Variants in CAB39 observed in about 807,000 individuals in gnomAD.
CAB39 encodes the protein calcium binding protein 39.
Under a neutral mutation model 40.0 loss-of-function variants are expected in CAB39, and 8 were observed. The observed-to-expected ratio is 0.20, with a 90% CI of 0.12 to 0.36. CAB39 has a LOEUF of 0.36. Ranked by LOEUF, CAB39 falls within the 10% of genes least tolerant of loss-of-function variation. The probability of loss-of-function intolerance (pLI) is 1.00; values close to 1 mark genes in which losing one functional copy is unlikely to be tolerated. For synonymous variants in CAB39, 156 were observed against 141.6 expected (o/e 1.10, Z -0.72); for missense variants, 270 against 401.1 (o/e 0.67, Z 2.79).
chr2:230,727,525 C>G (rs1275122181), intron 1 of CAB39, among the ~76,000 whole-genome samples: 4 of 151,504 alleles, frequency 2.6e-5, no homozygotes, highest in Non-Finnish European at 4.4e-5. Flanking sequence ...AGTGATCCTC[C>G]CTCCTCAGCT....
chr2:230,741,579 A>G (rs1295095547), intron 1 of CAB39, among the ~76,000 whole-genome samples: 1 of 152,162 alleles, frequency 6.6e-6, no homozygotes, highest in Non-Finnish European at 1.5e-5. Context: ...AGCCTCAAGC[A>G]GTCCTCCTGC....
intron 2 of CAB39, among the ~76,000 whole-genome samples, chr2:230,773,020 C>T (rs1695515152): frequency 7.1e-6 from 1 of 140,710 alleles, no homozygotes; most frequent in Non-Finnish European, 1.5e-5. Context: ...CTGTATACAA[C>T]AGCATGGATG....
chr2:230,798,877 G>C lies in CAB39; in HGVS notation c.547G>C (p.Asp183His). The change falls in exon 5 of 9, where the codon GAT becomes CAT. Residue 183 changes from aspartate (D) to histidine (H), a missense_variant. Coordinates refer to ENST00000258418, the MANE Select transcript of CAB39 (RefSeq NM_016289.4). ...AATGTCAACATTTGACATAGCTTCA[G>C]ATGCATTTGCCACATTCAAGGTAAC... is the stretch of plus-strand genomic sequence containing the variant. ...VEMSTFDIASDAFATFKDLLT... is the reference protein window; with the variant it reads ...VEMSTFDIASHAFATFKDLLT... 3 of 1,593,462 alleles carry C rather than the reference G, an allele frequency of 1.9e-6. No homozygotes were observed. Among genetic ancestry groups the C allele is most frequent in the Non-Finnish European group, 2.6e-6 (3 of 1,165,088 alleles).
At chr2:230,765,131 C>T (rs150392201) in intron 2 of CAB39, among the ~76,000 whole-genome samples, 1 of 152,226 alleles carries the variant, frequency 6.6e-6, no homozygotes, top group African/African-American at 2.4e-5. Flanking sequence ...GGACTACAGG[C>T]GTGCACCACC....
intron 1 of CAB39, among the ~76,000 whole-genome samples, chr2:230,743,123 A>G (rs1694912935): frequency 6.6e-6 from 1 of 152,218 alleles, no homozygotes; most frequent in South Asian, 2.1e-4. Flanking sequence ...CTCAAGTTTT[A>G]TAAAGATGAG....
chr2:230,816,693 C>G (rs1696407357), intron 7 of CAB39, among the ~76,000 whole-genome samples: 2 of 152,240 alleles, frequency 1.3e-5, no homozygotes, highest in African/African-American at 4.8e-5. Flanking sequence ...CTCACTCACT[C>G]ACATCTCTGC....
chr2:230,818,716 C>A lies in CAB39; in HGVS notation c.*12C>A. ...AGCAAGAAGCTTAATCTCCAATAAA[C>A]ATCTATGTTAAATCCAAATTCAGCA... On this transcript the variant is annotated 3_prime_UTR_variant, in exon 9 of 9. Coordinates refer to ENST00000258418, the MANE Select transcript of CAB39 (RefSeq NM_016289.4). 1 of 1,604,160 alleles carries A rather than the reference C, an allele frequency of 6.2e-7. No homozygotes were observed. The highest frequency in any genetic ancestry group is 8.5e-7 in the Non-Finnish European group (1 of 1,172,400).
intron 1 of CAB39, among the ~76,000 whole-genome samples, chr2:230,727,691 A>T (rs769893598): frequency 3.3e-5 from 5 of 152,000 alleles, no homozygotes; most frequent in Non-Finnish European, 7.4e-5. Context: ...TTGCGATTAC[A>T]GGTGTAAGCC....
chr2:230,764,691 T>A (rs991158666), intron 2 of CAB39, among the ~76,000 whole-genome samples: 29 of 152,260 alleles, frequency 1.9e-4, no homozygotes, highest in African/African-American at 7.0e-4. Context: ...GTTGGTCGTT[T>A]TCCTTGAAGT....
chr2:230,717,264 T>C (rs1480439064), intron 1 of CAB39, among the ~76,000 whole-genome samples: 2 of 152,222 alleles, frequency 1.3e-5, no homozygotes, highest in African/African-American at 2.4e-5. Context: ...TGTAAAGATC[T>C]GGCATTATTA....
intron 2 of CAB39, among the ~76,000 whole-genome samples, chr2:230,787,014 C>G (rs929740807): frequency 2.0e-5 from 3 of 152,022 alleles, no homozygotes; most frequent in Non-Finnish European, 4.4e-5. Context: ...AGCATTGATA[C>G]TGAGGGGGAT....
intron 2 of CAB39, among the ~76,000 whole-genome samples, chr2:230,774,939 A>C (rs1422709684): frequency 1.3e-5 from 2 of 152,232 alleles, no homozygotes; most frequent in Non-Finnish European, 2.9e-5. Context: ...TTATTATCAA[A>C]TACTTGGCAC....
intron 2 of CAB39, among the ~76,000 whole-genome samples, chr2:230,772,930 G>T (rs1204557682): frequency 6.7e-6 from 1 of 148,432 alleles, no homozygotes; most frequent in Admixed American, 6.7e-5. Context: ...TGGCCCAGAC[G>T]TGTGGATAAA....
At chr2:230,809,899 C>T (rs1696274796) in intron 5 of CAB39, among the ~76,000 whole-genome samples, 2 of 152,074 alleles carry the variant, frequency 1.3e-5, no homozygotes, top group African/African-American at 4.8e-5. Context: ...GACAGTTTAC[C>T]ACTACTGTTA....
intron 5 of CAB39, among the ~76,000 whole-genome samples, chr2:230,807,329 C>G (rs1360215342): frequency 6.6e-6 from 1 of 151,920 alleles, no homozygotes; most frequent in Non-Finnish European, 1.5e-5. Flanking sequence ...TTGTCCTCAT[C>G]TCCTCCTTTT....
intron 1 of CAB39, among the ~76,000 whole-genome samples, chr2:230,726,089 A>G (rs1029513714): frequency 1.3e-5 from 2 of 152,214 alleles, no homozygotes; most frequent in Non-Finnish European, 2.9e-5. Context: ...TTATCTGAAA[A>G]TATTAAATTG....
At chr2:230,728,428 G>A (rs930161270) in intron 1 of CAB39, among the ~76,000 whole-genome samples, 2 of 151,246 alleles carry the variant, frequency 1.3e-5, no homozygotes, top group Non-Finnish European at 2.9e-5. Context: ...TCCAGCCTCA[G>A]CCTCCCAAGT....
intron 1 of CAB39, among the ~76,000 whole-genome samples, chr2:230,756,781 G>A (rs62193630): frequency 1.3e-5 from 2 of 151,578 alleles, no homozygotes; most frequent in East Asian, 2.0e-4. Flanking sequence ...CAACCTCCCC[G>A]TCCCGGGTTC....
At chr2:230,818,477 T>G in intron 8 of CAB39, 39 bp from the exon 9 acceptor site, 1 of 1,581,016 alleles carries the variant, frequency 6.3e-7, no homozygotes, top group Non-Finnish European at 8.6e-7. Flanking sequence ...CTGCGTTTTG[T>G]CCTTTCTCTG....
Sources: allele counts gnomAD v4.1 joint callset (sites outside exome capture counted in the v4.1 genomes callset), GRCh38; gene constraint gnomAD v4.1.1; transcripts MANE v1.5; gene names NCBI Gene and HGNC (gene_info 2026-07-23, HGNC 2026-07-21).